The following EPHA3 variants were observed in gnomAD, a reference collection of about 807,000 sequenced individuals.
The protein encoded by EPHA3 is ephrin type-A receptor 3.
In EPHA3, 42 loss-of-function variants were observed where a neutral mutation model predicts 107.1. That is an observed-to-expected ratio of 0.39 (90% CI 0.31 to 0.51). The LOEUF is 0.51. EPHA3 is among the 20% of genes least tolerant of loss of function. The pLI is 0.78. For missense variants in EPHA3, 1,183 were observed against 1,211.2 expected (o/e 0.98, Z 0.35); for synonymous variants, 461 against 424.8 (o/e 1.09, Z -1.05).
Position 89,306,060 on chromosome 3 carries a change from T to C in EPHA3, c.815-34856T>C, listed in dbSNP as rs143186543. ...TCATTGTCGTCATCATCATCATCAT[T>C]ACTGTCCTTATCATTGCCAGTGCTT... On this transcript the variant is annotated intron_variant, in intron 3 of 16. Transcript: ENST00000336596. Among the ~76,000 whole-genome samples, 108 of 152,246 alleles carry C rather than the reference T, an allele frequency of 7.1e-4. 2 individuals carry two copies. In the East Asian group the frequency reaches 0.02, roughly 28 times the overall value.
chr3:89,388,433 G>T (rs1708665354), intron 5 of EPHA3, among the ~76,000 whole-genome samples: 1 of 152,168 alleles, frequency 6.6e-6, no homozygotes, highest in South Asian at 2.1e-4. Flanking sequence ...GGAAGGACCT[G>T]ATCAACTATT....
intron 3 of EPHA3, among the ~76,000 whole-genome samples, chr3:89,259,268 C>T (rs1249468364): frequency 1.3e-5 from 2 of 152,146 alleles, no homozygotes; most frequent in Admixed American, 1.3e-4. Context: ...AGGGACAGGC[C>T]ATCCTTGGGG....
chr3:89,177,358 C>T (rs1261844569), intron 2 of EPHA3, among the ~76,000 whole-genome samples: 2 of 152,020 alleles, frequency 1.3e-5, no homozygotes, highest in Admixed American at 6.6e-5. Flanking sequence ...CCAGAGCGAC[C>T]ACAAGTCTGA....
At chr3:89,425,884 C>T (rs1242602359) in intron 11 of EPHA3, among the ~76,000 whole-genome samples, 1 of 151,530 alleles carries the variant, frequency 6.6e-6, no homozygotes, top group African/African-American at 2.4e-5. Flanking sequence ...CTAGTAATAG[C>T]TCCGAGCCAC....
At chr3:89,368,890 A>G (rs971139212) in intron 5 of EPHA3, among the ~76,000 whole-genome samples, 1 of 150,634 alleles carries the variant, frequency 6.6e-6, no homozygotes, top group Non-Finnish European at 1.5e-5. Context: ...ATTGACACAT[A>G]AAATTAACCT....
chr3:89,240,446 G>A (rs934510921), intron 3 of EPHA3, among the ~76,000 whole-genome samples: 1 of 151,914 alleles, frequency 6.6e-6, no homozygotes, highest in Non-Finnish European at 1.5e-5. Context: ...TATTTTAAAG[G>A]ATGAAAGGCA....
In EPHA3 at chr3:89,131,423, CAT is replaced by C. The variant is rs1441471693; in HGVS notation, c.153+4151_153+4152del. Among the ~76,000 whole-genome samples the C allele has an allele frequency of 1.5e-4, 23 of 152,290 alleles. No individual in the cohort carries two copies. The East Asian group carries it at 3.7e-3, about 24-fold the overall frequency. ...TTCTAAAAACAGCCTTTTGCTTACA[CAT>C]GACTTAAATTGATTGTACTTAAATT... On this transcript the variant is annotated intron_variant, in intron 2 of 16. Coordinates refer to ENST00000336596, the MANE Select transcript of EPHA3 (RefSeq NM_005233.6).
At chr3:89,227,928 G>A (rs1704537310) in intron 3 of EPHA3, among the ~76,000 whole-genome samples, 1 of 151,930 alleles carries the variant, frequency 6.6e-6, no homozygotes. Context: ...CAGCATTGTA[G>A]TTCCTTTCAC....
At chr3:89,419,459 C>T (rs1417112614) in intron 11 of EPHA3, 69 bp downstream of exon 11, 12 of 1,383,708 alleles carry the variant, frequency 8.7e-6, no homozygotes, top group African/African-American at 1.5e-5. Flanking sequence ...CCAACCCCAA[C>T]CATTTAAGAA....
At chr3:89,279,576 C>A (rs1576285501) in intron 3 of EPHA3, among the ~76,000 whole-genome samples, 1 of 151,974 alleles carries the variant, frequency 6.6e-6, no homozygotes, top group African/African-American at 2.4e-5. Flanking sequence ...AGCTAGTCTG[C>A]AAGTTTATTT....
At chr3:89,474,812 T>C (rs1297100825) in intron 16 of EPHA3, among the ~76,000 whole-genome samples, 3 of 152,240 alleles carry the variant, frequency 2.0e-5, no homozygotes, top group Non-Finnish European at 2.9e-5. Flanking sequence ...AGCAATACCA[T>C]GTTGGACGTC....
intron 2 of EPHA3, among the ~76,000 whole-genome samples, chr3:89,150,816 G>A (rs1704674951): frequency 6.6e-6 from 1 of 151,914 alleles, no homozygotes; most frequent in Non-Finnish European, 1.5e-5. Context: ...AGAATTTACT[G>A]CTTAGAAATT....
At chr3:89,311,189 TA>T (rs1706758730) in intron 3 of EPHA3, among the ~76,000 whole-genome samples, 1 of 151,994 alleles carries the variant, frequency 6.6e-6, no homozygotes, top group Non-Finnish European at 1.5e-5. Flanking sequence ...CCCTATGTTA[TA>T]AAATTAAATA....
In EPHA3 at chr3:89,399,379, G is replaced by A. The variant is rs2107508205; in HGVS notation, c.1493G>A (p.Ser498Asn). 2.5e-6 allele frequency: 4 copies of A among 1,614,006 alleles called. No individual in the cohort carries two copies. Among genetic ancestry groups the A allele is most frequent in the Non-Finnish European group, 3.4e-6 (4 of 1,179,964 alleles). ...RARGTNVTIS[S>N]LKPDTIYVFQ... is the part of the protein sequence containing the mutation. ...AGAGGCACAAATGTTACCATCAGTA[G>A]CCTCAAGCCTGACACTATATACGTA... The change falls in exon 7 of 17, where the codon AGC becomes AAC. Residue 498 changes from serine (S) to asparagine (N), a missense_variant. Ser to Asn is a conservative substitution (Grantham distance 46). Transcript: ENST00000336596.
chr3:89,209,003 C>T (rs926435236), intron 2 of EPHA3, among the ~76,000 whole-genome samples: 4 of 152,124 alleles, frequency 2.6e-5, no homozygotes, highest in East Asian at 1.9e-4. Flanking sequence ...CACACACTTA[C>T]GATGCTAAGT....
intron 11 of EPHA3, among the ~76,000 whole-genome samples, chr3:89,421,649 A>AT (rs1709355605): frequency 1.3e-5 from 2 of 151,334 alleles, no homozygotes; most frequent in South Asian, 2.1e-4. Flanking sequence ...TCATGAGTTG[A>AT]TTTTTTTGTT....
At chr3:89,300,141 G>T (rs1427831179) in intron 3 of EPHA3, among the ~76,000 whole-genome samples, 1 of 151,868 alleles carries the variant, frequency 6.6e-6, no homozygotes, top group East Asian at 1.9e-4. Context: ...TAGCTACTCA[G>T]TAAATCTAAT....
chr3:89,214,702 C>G (rs893252178), intron 3 of EPHA3, among the ~76,000 whole-genome samples: 1 of 151,816 alleles, frequency 6.6e-6, no homozygotes, highest in Admixed American at 6.6e-5. Context: ...AAACAGCAGT[C>G]ACGCTTGATT....
Position 89,341,004 on chromosome 3 carries a change from A to C in EPHA3, c.903A>C (p.Ser301=). 1 of 1,614,200 alleles carries C rather than the reference A, an allele frequency of 6.2e-7. No homozygotes were observed. The highest frequency in any genetic ancestry group is 2.2e-5 in the East Asian group (1 of 44,880). The part of the protein sequence containing the change: ...PPHSSTQEDG[S]MNCRCENNYF... Reference sequence around the variant, plus strand: ...ACAGTTCTACTCAGGAAGATGGTTCAATGAACTGCAGGTGTGAGAATAATT... The same window carrying C: ...ACAGTTCTACTCAGGAAGATGGTTCCATGAACTGCAGGTGTGAGAATAATT... The change falls in exon 4 of 17, where the codon TCA becomes TCC. Residue 301 remains serine (S), a synonymous_variant. Coordinates refer to ENST00000336596, the MANE Select transcript of EPHA3 (RefSeq NM_005233.6).
Sources: gnomAD v4.1 joint callset for allele counts (sites outside exome capture counted in the v4.1 genomes callset) on GRCh38, gnomAD v4.1.1 for gene constraint, MANE v1.5 for transcripts, NCBI Gene and HGNC (gene_info 2026-07-23, HGNC 2026-07-21) for gene names.